Variants in COL4A1 observed in about 807,000 individuals in gnomAD.
The protein encoded by COL4A1 is collagen alpha-1(IV) chain.
Under a neutral mutation model 216.6 loss-of-function variants are expected in COL4A1, and 40 were observed. The ratio of observed to expected loss-of-function variants is 0.18; its 90% confidence interval spans 0.14 to 0.24. The LOEUF (loss-of-function observed/expected upper bound fraction) is 0.24, where lower values mean the gene tolerates loss of function less well. Among genes scored for constraint, COL4A1 ranks in the 10% least tolerant of loss-of-function variants. The pLI, the probability that COL4A1 is intolerant of heterozygous loss-of-function variation, is 1.00. For synonymous variants in COL4A1, 839 were observed against 810.7 expected, an observed-to-expected ratio of 1.03 and a Z score of -0.59; for missense variants, 1,628 against 2,196.8, an observed-to-expected ratio of 0.74 and a Z score of 5.18.
intron 1 of COL4A1, among the ~76,000 whole-genome samples, chr13:110,289,718 C>A (rs572633059): frequency 6.6e-6 from 1 of 152,296 alleles, no homozygotes; most frequent in East Asian, 1.9e-4. Context: ...CCCACAGCCA[C>A]CTTCAGGGCT....
chr13:110,158,768 G>A (rs1164024847), intron 49 of COL4A1, among the ~76,000 whole-genome samples: 2 of 115,836 alleles, frequency 1.7e-5, no homozygotes, highest in Non-Finnish European at 3.3e-5. Flanking sequence ...TTGAGACAGA[G>A]TTTTGCTCTT....
intron 4 of COL4A1, among the ~76,000 whole-genome samples, chr13:110,213,405 T>C (rs1385550009): frequency 6.6e-6 from 1 of 152,236 alleles, no homozygotes; most frequent in East Asian, 1.9e-4. Context: ...AGGCTGGCTC[T>C]GAAAATACCA....
intron 2 of COL4A1, among the ~76,000 whole-genome samples, chr13:110,216,003 T>C (rs1880054737): frequency 6.6e-6 from 1 of 152,192 alleles, no homozygotes; most frequent in African/African-American, 2.4e-5. Context: ...AGTATGTGGA[T>C]AAATATGGGA....
intron 2 of COL4A1, among the ~76,000 whole-genome samples, chr13:110,222,815 CTAAA>C (rs972841175): frequency 7.0e-5 from 10 of 142,042 alleles, no homozygotes; most frequent in African/African-American, 2.1e-4. Context: ...AGGCTTTTTC[CTAAA>C]TATTCATTGT....
At chr13:110,157,234 C>T (rs1566336514) in intron 49 of COL4A1, among the ~76,000 whole-genome samples, 2 of 152,206 alleles carry the variant, frequency 1.3e-5, no homozygotes, top group South Asian at 4.1e-4. Flanking sequence ...CTCAATCCAG[C>T]GGTCTTTTCG....
chr13:110,251,468 A>G (rs1882068658), intron 1 of COL4A1, among the ~76,000 whole-genome samples: 1 of 152,230 alleles, frequency 6.6e-6, no homozygotes, highest in Admixed American at 6.5e-5. Context: ...TTCACTTCCC[A>G]TCTACTGCAC....
At chr13:110,161,862 C>CA (rs1372668913) in intron 48 of COL4A1, 13 of 335,256 alleles carry the variant, frequency 3.9e-5, no homozygotes, top group East Asian at 2.2e-4. Context: ...TAACATGGAC[C>CA]TTTTTTTTTA....
Position 110,203,550 on chromosome 13 carries a change from C to T in COL4A1, c.999+16G>A, listed in dbSNP as rs369346270. Reference sequence around the variant, plus strand: ...CCCAGCGCTCTCACAGACCCAGGGACAGCACTCTTACTCACAATTCCAGGT... The same window carrying T: ...CCCAGCGCTCTCACAGACCCAGGGATAGCACTCTTACTCACAATTCCAGGT... On this transcript the variant is annotated intron_variant, in intron 18 of 51. Transcript: ENST00000375820. The T allele has an allele frequency of 3.1e-5, 50 of 1,613,918 alleles. No homozygotes were observed. Among genetic ancestry groups the T allele is most frequent in the Non-Finnish European group, 3.6e-5 (42 of 1,179,938 alleles).
intron 50 of COL4A1, 134 bp from the exon 51 acceptor site, chr13:110,152,640 G>T: frequency 9.0e-7 from 1 of 1,106,792 alleles, no homozygotes; most frequent in Non-Finnish European, 1.3e-6. Context: ...GGTCACCACA[G>T]GACACACTCT....
intron 23 of COL4A1, 68 bp downstream of exon 23, chr13:110,192,762 T>C: frequency 1.4e-6 from 2 of 1,399,228 alleles, no homozygotes; most frequent in Non-Finnish European, 2.0e-6. Flanking sequence ...GTGAAATCCC[T>C]TTCACAGGAA....
At chr13:110,303,227 G>C (rs1884562435) in intron 1 of COL4A1, among the ~76,000 whole-genome samples, 1 of 151,968 alleles carries the variant, frequency 6.6e-6, no homozygotes, top group African/African-American at 2.4e-5. Flanking sequence ...GGTTTTCTGG[G>C]TCAGTTCCTA....
chr13:110,212,457 G>A lies in COL4A1; in HGVS notation c.347C>T (p.Pro116Leu), dbSNP rs538816765. Residue 116 changes from proline (P) to leucine (L), a missense_variant, in exon 6 of 52, where the codon CCG becomes CTG. Pro to Leu is a moderately conservative substitution (Grantham distance 98). Coordinates refer to ENST00000375820, the MANE Select transcript of COL4A1 (RefSeq NM_001845.6). ...GLPGIPGQDG[P>L]PGPPGIPGCN... Reference sequence around the variant, plus strand: ...TCCTGGAATACCTGGGGGGCCTGGCGGGCCGTCTTGGCCAGGAATTCCCTG... The same window carrying A: ...TCCTGGAATACCTGGGGGGCCTGGCAGGCCGTCTTGGCCAGGAATTCCCTG... 1.3e-5 allele frequency: 21 copies of A among 1,614,078 alleles called. No homozygotes were observed. Among genetic ancestry groups the A allele is most frequent in the South Asian group, 6.6e-5 (6 of 91,072 alleles).
At chr13:110,248,027 T>TTTCA (rs1046183577) in intron 1 of COL4A1, among the ~76,000 whole-genome samples, 1 of 152,152 alleles carries the variant, frequency 6.6e-6, no homozygotes, top group African/African-American at 2.4e-5. Context: ...TTTTTATGTG[T>TTTCA]TTCACATCCC....
At position 110,174,688 on chromosome 13, in the gene COL4A1, A is replaced by G. The variant is rs1015749107; in HGVS notation, c.3260T>C (p.Ile1087Thr). The change falls in exon 38 of 52, where the codon ATT becomes ACT. Residue 1087 changes from isoleucine (I) to threonine (T), a missense_variant. Coordinates refer to ENST00000375820, the MANE Select transcript of COL4A1 (RefSeq NM_001845.6). Reference protein sequence around the residue: ...SPGEKGEKGSIGIPGMPGSPG... With the variant: ...SPGEKGEKGSTGIPGMPGSPG... Reference sequence around the variant, plus strand: ...GGACCCTGGCATTCCTGGGATCCCAATGCTTCCTTTTTCTCCCTTCTCTCC... The same window carrying G: ...GGACCCTGGCATTCCTGGGATCCCAGTGCTTCCTTTTTCTCCCTTCTCTCC... 1 of 1,613,774 alleles carries G rather than the reference A, an allele frequency of 6.2e-7. No individual in the cohort carries two copies. The highest frequency in any genetic ancestry group is 8.5e-7 in the Non-Finnish European group (1 of 1,179,738).
intron 21 of COL4A1, among the ~76,000 whole-genome samples, chr13:110,198,080 T>G (rs188870729): frequency 4.5e-4 from 57 of 125,582 alleles, no homozygotes; most frequent in East Asian, 4.2e-4. Flanking sequence ...GTTTCTGGGG[T>G]GTGTGTGTGT....
intron 22 of COL4A1, among the ~76,000 whole-genome samples, chr13:110,193,704 G>A (rs1356530865): frequency 2.0e-5 from 3 of 152,224 alleles, no homozygotes; most frequent in Non-Finnish European, 4.4e-5. Flanking sequence ...CTCTGCCCTG[G>A]GATGCCCCTC....
At chr13:110,189,881 G>A (rs1878558907) in intron 24 of COL4A1, among the ~76,000 whole-genome samples, 1 of 142,074 alleles carries the variant, frequency 7.0e-6, no homozygotes, top group Admixed American at 7.2e-5. Context: ...TAGGACCAAG[G>A]TTTCCTATCT....
In COL4A1 at chr13:110,163,441, C is replaced by T. The variant is rs183228479; in HGVS notation, c.4249+22G>A. 1.3e-4 allele frequency: 211 copies of T among 1,608,498 alleles called. No homozygotes were observed. In the African/African-American group the frequency reaches 2.0e-3, roughly 15 times the overall value. On this transcript the variant is annotated intron_variant, in intron 47 of 51. Coordinates refer to ENST00000375820, the MANE Select transcript of COL4A1 (RefSeq NM_001845.6). ...CAAAGATCCTGGTCAAGGGTAATTA[C>T]GTTGGAAGTTTCGCAACCTACCAGT...
rs545775079 is a variant in COL4A1, at chr13:110,234,751, G to A, written c.144+7924C>T. Reference sequence around the variant, plus strand: ...AACCTGAACTCAGTTTTCCCCAAACGCCTGTGTCCTTGGAACCTCTTCCCG... The same window carrying A: ...AACCTGAACTCAGTTTTCCCCAAACACCTGTGTCCTTGGAACCTCTTCCCG... On this transcript the variant is annotated intron_variant, in intron 2 of 51. Coordinates refer to ENST00000375820, the MANE Select transcript of COL4A1 (RefSeq NM_001845.6). Among the ~76,000 whole-genome samples the A allele has an allele frequency of 6.6e-5, 10 of 152,208 alleles. 1 individual carries two copies. The East Asian group carries it at 1.2e-3, about 18-fold the overall frequency.
Sources: allele counts gnomAD v4.1 joint callset (sites outside exome capture counted in the v4.1 genomes callset), GRCh38; gene constraint gnomAD v4.1.1; transcripts MANE v1.5; gene names NCBI Gene and HGNC (gene_info 2026-07-23, HGNC 2026-07-21).